The following LRRC23 variants were observed in gnomAD, a reference collection of about 807,000 sequenced individuals.
LRRC23 encodes the protein leucine-rich repeat-containing protein 23.
A neutral mutation model predicts 37.7 loss-of-function variants in LRRC23; 28 were observed. The observed-to-expected ratio is 0.74, with a 90% CI of 0.55 to 1.02. The LOEUF (loss-of-function observed/expected upper bound fraction) is 1.02, where lower values mean the gene tolerates loss of function less well. LRRC23 is among the 50% of genes least tolerant of loss of function. The pLI, the probability that LRRC23 is intolerant of heterozygous loss-of-function variation, is 0.00. For synonymous variants in LRRC23, 161 were observed against 165.4 expected, an observed-to-expected ratio of 0.97 and a Z score of 0.20; for missense variants, 377 against 413.2, an observed-to-expected ratio of 0.91 and a Z score of 0.76.
chr12:6,907,583 T>A, intron 5 of LRRC23, 138 bp downstream of exon 5: 1 of 918,256 alleles, frequency 1.1e-6, no homozygotes, highest in Non-Finnish European at 1.7e-6. Flanking sequence ...CATAGTTGGT[T>A]CCAGATGCTG....
intron 4 of LRRC23, 183 bp downstream of exon 4, chr12:6,906,845 A>G: frequency 1.5e-6 from 1 of 671,602 alleles, no homozygotes. Context: ...TAAGACAAGG[A>G]ACGTCCCTAT....
chr12:6,905,552 G>T (rs781976097), intron 1 of LRRC23, 33 bp from the exon 2 acceptor site: 9 of 1,447,738 alleles, frequency 6.2e-6, no homozygotes, highest in Non-Finnish European at 8.7e-6. Context: ...GGAGCTGAAG[G>T]CTGGCAGAAG....
rs1486949127 is a variant in LRRC23, at chr12:6,908,463, G to GACATGCT, written c.621+1024_621+1025insTACATGC. ...AATACAAAAATTAGCCCAGTGTGCT[G>GACATGCT]ACATGCGCCTGTAATCCCAGCTACT... On this transcript the variant is annotated intron_variant, in intron 5 of 7. Transcript: ENST00000443597. 1.3e-4 allele frequency among the ~76,000 whole-genome samples: 19 copies of GACATGCT among 151,954 alleles called. No homozygotes were observed. In the Middle Eastern group the frequency reaches 0.017, roughly 137 times the overall value.
In LRRC23 at chr12:6,907,311, C is replaced by G. The variant is rs77386517; in HGVS notation, c.491-4C>G. ...CTTTGAGCTCTTGAAACCCTCCTCC[C>G]CAGGGAACAGCATCCACATGGTGAC... On this transcript the variant is annotated splice_region_variant and splice_polypyrimidine_tract_variant and intron_variant, in intron 4 of 7. Transcript: ENST00000443597. 8.8e-3 allele frequency: 14,163 copies of G among 1,613,598 alleles called. 895 individuals carry two copies. The African/African-American group carries it at 0.15, about 17-fold the overall frequency.
At position 6,905,965 on chromosome 12, in the gene LRRC23, G is replaced by A. The variant is rs184876216; in HGVS notation, c.236+11G>A. The A allele has an allele frequency of 2.5e-6, 4 of 1,609,920 alleles. No homozygotes were observed. Among genetic ancestry groups the A allele is most frequent in the South Asian group, 1.1e-5 (1 of 90,896 alleles). On this transcript the variant is annotated intron_variant, in intron 3 of 7. Transcript: ENST00000443597. Reference sequence around the variant, plus strand: ...GGAGGTTAAAGAGAGGTGCGTTTTGGGGGGACCAGATGAGGACTGTGAGAC... The same window carrying A: ...GGAGGTTAAAGAGAGGTGCGTTTTGAGGGGACCAGATGAGGACTGTGAGAC...
chr12:6,908,909 G>T (rs1286220713), intron 5 of LRRC23, among the ~76,000 whole-genome samples: 1 of 141,614 alleles, frequency 7.1e-6, no homozygotes, highest in African/African-American at 2.6e-5. Context: ...TGAAAAGACG[G>T]CTGGAGAAGT....
At chr12:6,911,767 G>C (rs782623902) in intron 6 of LRRC23, among the ~76,000 whole-genome samples, 1 of 152,270 alleles carries the variant, frequency 6.6e-6, no homozygotes, top group Admixed American at 6.5e-5. Flanking sequence ...CAGCACTTTG[G>C]GGGGGCCAAG....
rs1054449404 is a variant in LRRC23, at chr12:6,911,993, G to A, written c.759-737G>A. Among the ~76,000 whole-genome samples the A allele has an allele frequency of 1.6e-4, 24 of 152,192 alleles. 1 individual carries two copies. The highest frequency in any genetic ancestry group is 1.4e-3 in the South Asian group (7 of 4,830). ...ACCCCCAACCGGGGTGACATAGTGA[G>A]ACCCTGTCTCAATAAAAATAAAATA... On this transcript the variant is annotated intron_variant, in intron 6 of 7. Transcript: ENST00000443597.
intron 5 of LRRC23, among the ~76,000 whole-genome samples, chr12:6,908,614 A>AG: frequency 7.9e-6 from 1 of 126,426 alleles, no homozygotes; most frequent in Non-Finnish European, 1.6e-5. Flanking sequence ...AAAAAAAAAA[A>AG]AAAAAACCAA....
chr12:6,913,515 G>A (rs920219317), intron 7 of LRRC23, among the ~76,000 whole-genome samples: 2 of 146,944 alleles, frequency 1.4e-5, no homozygotes, highest in African/African-American at 2.6e-5. Context: ...GTGGCCGCCA[G>A]GCACTTTAGA....
intron 1 of LRRC23, chr12:6,905,320 T>C (rs1463546001): frequency 4.1e-6 from 1 of 246,572 alleles, no homozygotes; most frequent in South Asian, 4.3e-5. Context: ...GCCCAGGAAA[T>C]AGGGACACCC....
chr12:6,914,225 T>G lies in LRRC23; in HGVS notation c.*359T>G, dbSNP rs183345647. The G allele has an allele frequency of 9.1e-4, 564 of 617,062 alleles. No homozygotes were observed. The highest frequency in any genetic ancestry group is 1.4e-3 in the Non-Finnish European group (511 of 373,416). The allele number at this position is 617,062 out of a possible 1,614,324, so 38.2% of individuals were successfully genotyped here. Reference sequence around the variant, plus strand: ...TCGGATTTCCAATAAAGAAACAGAGTGATGCTCCTGTGTCTGACCGGGTTT... The same window carrying G: ...TCGGATTTCCAATAAAGAAACAGAGGGATGCTCCTGTGTCTGACCGGGTTT... On this transcript the variant is annotated 3_prime_UTR_variant, in exon 8 of 8. Transcript: ENST00000443597. The surrounding 1 kb of genome is among the most constrained non-coding windows in gnomAD (Gnocchi z 7.1).
Position 6,913,555 on chromosome 12 carries a change from G to GTT in LRRC23, c.*25-309_*25-308dup, listed in dbSNP as rs869177982. On this transcript the variant is annotated intron_variant, in intron 7 of 7. Coordinates refer to ENST00000443597, the MANE Select transcript of LRRC23 (RefSeq NM_001135217.2). ...GGAGAGGCTTTATTTACCTCTGTTTGTTTTTTTTTTTTTTTTTTTTTTTTT... is the reference window on the plus strand; with the variant it reads ...GGAGAGGCTTTATTTACCTCTGTTTGTTTTTTTTTTTTTTTTTTTTTTTTTTT... 6.6e-3 allele frequency among the ~76,000 whole-genome samples: 506 copies of GTT among 76,374 alleles called. 113 individuals are homozygous for GTT. Among genetic ancestry groups the GTT allele is most frequent in the East Asian group, 0.047 (99 of 2,120 alleles). 50.1% of individuals were successfully genotyped at this position (76,374 alleles called of 152,430 possible). A position where few individuals can be genotyped will look rare whatever the true frequency, so the allele number is the denominator to read the frequency against.
chr12:6,907,804 C>T (rs782602549), intron 5 of LRRC23: 9 of 455,794 alleles, frequency 2.0e-5, no homozygotes, highest in South Asian at 4.7e-5. Flanking sequence ...ATACGACTTC[C>T]GGGACCAAAG....
At position 6,912,837 on chromosome 12, in the gene LRRC23, G is replaced by T. The variant is rs368271790; in HGVS notation, c.866G>T (p.Arg289Leu). ...DNPCTDETSYRQEALVQMPYL... is the reference protein window; with the variant it reads ...DNPCTDETSYLQEALVQMPYL... ...CCATGCACGGACGAAACCAGCTACC[G>T]CCAGGAGGCCCTGGTGCAGATGCCA... The change falls in exon 7 of 8, where the codon CGC (arginine) becomes CTC (leucine). Residue 289 changes from arginine to leucine, a missense_variant. By Grantham distance (102) the Arg-to-Leu change is moderately radical (BLOSUM62 -2). Around this residue, in one of 3 missense-constraint regions of LRRC23, gnomAD observed 266 missense variants for 285.6 expected, o/e 0.93. Transcript: ENST00000443597. The T allele has an allele frequency of 9.9e-6, 16 of 1,613,996 alleles. No individual in the cohort carries two copies. The East Asian group carries it at 2.2e-4, about 22-fold the overall frequency.
Position 6,906,425 on chromosome 12 carries a change from T to G in LRRC23, c.253T>G (p.Tyr85Asp), listed in dbSNP as rs782575968. Residue 85 changes from tyrosine (Y) to aspartate (D), a missense_variant, in exon 4 of 8, where the codon TAC becomes GAC. Coordinates refer to ENST00000443597, the MANE Select transcript of LRRC23 (RefSeq NM_001135217.2). ...ATCTCCTAGGGACCTGACAGACATC[T>G]ACTTGCTGCGCTCCTACATCCATCT... ...EVKERDLTDI[Y>D]LLRSYIHLRY... 15 of 1,614,044 alleles carry G rather than the reference T, an allele frequency of 9.3e-6. No homozygotes were observed. In the African/African-American group the frequency reaches 1.7e-4, roughly 19 times the overall value.
intron 5 of LRRC23, among the ~76,000 whole-genome samples, chr12:6,908,177 C>T (rs1555139952): frequency 6.6e-6 from 1 of 152,156 alleles, no homozygotes; most frequent in Admixed American, 6.5e-5. Context: ...CCTCCAAAAG[C>T]TTTCACGTGT....
chr12:6,907,349 C>G lies in LRRC23; in HGVS notation c.525C>G (p.Pro175=). 6.2e-7 allele frequency: 1 copy of G among 1,614,038 alleles called. No individual in the cohort carries two copies. The highest frequency in any genetic ancestry group is 2.2e-5 in the East Asian group (1 of 44,872). ...NSIHMVTGLD[P]EKLISLHTVE... is the part of the protein sequence containing the mutation. The stretch of plus-strand genomic sequence containing the variant: ...TCCACATGGTGACAGGTCTGGACCC[C>G]GAGAAGTTGATCAGCCTGCACACAG... The change falls in exon 5 of 8, where the codon CCC becomes CCG. Residue 175 remains proline (P), a synonymous_variant. Coordinates refer to ENST00000443597, the MANE Select transcript of LRRC23 (RefSeq NM_001135217.2).
At chr12:6,909,132 TA>T (rs1389067937) in intron 5 of LRRC23, among the ~76,000 whole-genome samples, 6 of 23,878 alleles carry the variant, frequency 2.5e-4, no homozygotes, top group Non-Finnish European at 3.3e-4. Flanking sequence ...ATATAATATA[TA>T]ATTATATATT....
Sources: allele counts gnomAD v4.1 joint callset (sites outside exome capture counted in the v4.1 genomes callset), GRCh38; gene constraint gnomAD v4.1.1; regional missense constraint gnomAD v4.1.1; non-coding constraint Gnocchi (gnomAD v3.1); transcripts MANE v1.5; gene names NCBI Gene and HGNC (gene_info 2026-07-23, HGNC 2026-07-21).